FAM228B: variants seen among roughly 807,000 people sequenced by gnomAD.
The protein encoded by FAM228B is protein FAM228B.
In FAM228B, 38 loss-of-function variants were observed where a neutral mutation model predicts 42.6. The ratio of observed to expected loss-of-function variants is 0.89; its 90% CI spans 0.69 to 1.17. The LOEUF is 1.17. Among genes scored for constraint, FAM228B ranks in the 50% most tolerant of loss-of-function variants. The pLI, the probability that FAM228B is intolerant of heterozygous loss-of-function variation, is 0.00. For synonymous variants in FAM228B, 109 were observed against 122.3 expected (o/e 0.89, Z 0.72); for missense variants, 344 against 367.3 (o/e 0.94, Z 0.52).
chr2:24,155,525 A>ATTTTTTTT (rs1199134206), intron 7 of FAM228B, among the ~76,000 whole-genome samples: 1 of 48,312 alleles, frequency 2.1e-5, no homozygotes, highest in Non-Finnish European at 3.6e-5. Flanking sequence ...ATATATATAT[A>ATTTTTTTT]TATATATTTT....
chr2:24,085,169 A>G (rs1665203530), intron 2 of FAM228B: 1 of 151,914 alleles, frequency 6.6e-6, no homozygotes, highest in African/African-American at 2.4e-5. Flanking sequence ...CATCTTGAGC[A>G]TGGGTGGGCA....
chr2:24,078,810 C>T (rs892760629), intron 1 of FAM228B: 1 of 152,486 alleles, frequency 6.6e-6, no homozygotes, highest in Non-Finnish European at 1.5e-5. Flanking sequence ...GTGCAAAACC[C>T]TATGGTGGAA....
intron 2 of FAM228B, among the ~76,000 whole-genome samples, chr2:24,127,562 G>A (rs1291234385): frequency 3.3e-5 from 5 of 152,136 alleles, no homozygotes; most frequent in Non-Finnish European, 7.3e-5. Flanking sequence ...AATTTTCATA[G>A]CAATGTATGA....
chr2:24,081,099 T>A, intron 2 of FAM228B: 1 of 1,344,646 alleles, frequency 7.4e-7, no homozygotes, highest in Non-Finnish European at 9.9e-7. Flanking sequence ...AGGCATATTC[T>A]ATCAAGATCA....
At chr2:24,168,290 G>A (rs1479172670) in intron 10 of FAM228B, among the ~76,000 whole-genome samples, 1 of 152,224 alleles carries the variant, frequency 6.6e-6, no homozygotes, top group Non-Finnish European at 1.5e-5. Context: ...TAGTCCTGCG[G>A]AACGCCAAGA....
At chr2:24,147,371 T>A (rs1362909032) in intron 7 of FAM228B, among the ~76,000 whole-genome samples, 4 of 152,110 alleles carry the variant, frequency 2.6e-5, no homozygotes, top group Non-Finnish European at 5.9e-5. Context: ...TTTTTTTCTG[T>A]CTATCTTAAT....
chr2:24,127,786 C>T (rs1666353397), intron 2 of FAM228B, among the ~76,000 whole-genome samples: 2 of 152,016 alleles, frequency 1.3e-5, no homozygotes, highest in African/African-American at 2.4e-5. Flanking sequence ...CCTAAGCCTC[C>T]CGAGTAGCTG....
intron 7 of FAM228B, among the ~76,000 whole-genome samples, chr2:24,155,524 TATATATA>T (rs140631842): frequency 7.9e-5 from 2 of 25,314 alleles, no homozygotes; most frequent in East Asian, 1.9e-3. Context: ...TATATATATA[TATATATA>T]TTTTTTTTTT....
At chr2:24,143,853 A>G (rs1370937359) in intron 5 of FAM228B, among the ~76,000 whole-genome samples, 1 of 152,238 alleles carries the variant, frequency 6.6e-6, no homozygotes, top group African/African-American at 2.4e-5. Flanking sequence ...ATGTTTTGAA[A>G]TAAAATAGTT....
Position 24,077,545 on chromosome 2 carries a change from G to C in FAM228B, c.-290+576G>C, listed in dbSNP as rs1339436790. ...CTCCAGGTTTGCTCTGGAAAGGCCTGGGGTGGCCGCGTCCTGTCCTGCCCC... is the reference window on the plus strand; with the variant it reads ...CTCCAGGTTTGCTCTGGAAAGGCCTCGGGTGGCCGCGTCCTGTCCTGCCCC... On this transcript the variant is annotated intron_variant, in intron 1 of 10. Coordinates refer to the FAM228B transcript ENST00000613899. This position sits in a 1 kb window ranked among gnomAD's most constrained non-coding sequence, Gnocchi z 5.5. 6.3e-7 allele frequency: 1 copy of C among 1,591,878 alleles called. No individual in the cohort carries two copies. Among genetic ancestry groups the C allele is most frequent in the Non-Finnish European group, 8.5e-7 (1 of 1,170,116 alleles).
At chr2:24,156,782 C>T (rs376004437) in intron 7 of FAM228B, among the ~76,000 whole-genome samples, 2 of 121,218 alleles carry the variant, frequency 1.6e-5, no homozygotes, top group South Asian at 3.1e-4. Flanking sequence ...CCGCCCCCCC[C>T]CCCCCAGCTT....
intron 2 of FAM228B, chr2:24,085,023 TC>T (rs1665198064): frequency 6.6e-6 from 1 of 152,230 alleles, no homozygotes; most frequent in African/African-American, 2.4e-5. Flanking sequence ...AAAGTGCGAT[TC>T]TAGCTCTCAC....
intron 9 of FAM228B, among the ~76,000 whole-genome samples, chr2:24,164,628 C>T (rs1041925564): frequency 2.6e-5 from 4 of 151,544 alleles, no homozygotes; most frequent in South Asian, 2.1e-4. Context: ...GGGTGGGCCA[C>T]GCTGTCCAGG....
chr2:24,146,644 C>T (rs2151023466), intron 5 of FAM228B, 104 bp from the exon 6 acceptor site: 11 of 643,134 alleles, frequency 1.7e-5, no homozygotes, highest in South Asian at 9.7e-5. Flanking sequence ...TATTATTTAC[C>T]CTCCCGGCAT....
intron 2 of FAM228B, 107 bp from the exon 3 acceptor site, chr2:24,135,012 A>G (rs907572907): frequency 4.2e-6 from 3 of 708,536 alleles, no homozygotes; most frequent in South Asian, 1.8e-5. Context: ...AACTGCATGC[A>G]TAGAGAACTT....
chr2:24,153,959 G>T (rs865798357), intron 7 of FAM228B, among the ~76,000 whole-genome samples: 5 of 152,202 alleles, frequency 3.3e-5, no homozygotes, highest in Admixed American at 1.3e-4. Context: ...GCCCAGCATG[G>T]CTTTATTCTC....
intron 5 of FAM228B, among the ~76,000 whole-genome samples, chr2:24,142,224 AATTTCCCCAGTACAG>A (rs1193473617): frequency 1.1e-4 from 16 of 151,922 alleles, no homozygotes; most frequent in Non-Finnish European, 2.4e-4. Context: ...TCCCCCTTTC[AATTTCCCCAGTACAG>A]AAAAGGTTCA....
At chr2:24,119,751 C>G (rs868255807), upstream of FAM228B, 4 of 1,150,806 alleles carry the variant, frequency 3.5e-6, no homozygotes, top group African/African-American at 4.5e-5. Context: ...CATGCTCCAG[C>G]TACGTTTTTC....
rs1024994229 is a variant in FAM228B, at chr2:24,087,196, A to G, written c.-210+6241A>G. The G allele has an allele frequency of 4.6e-5, 7 of 152,168 alleles. 1 individual carries two copies. Among genetic ancestry groups the G allele is most frequent in the South Asian group, 4.1e-4 (2 of 4,830 alleles). 9.4% of individuals were successfully genotyped at this position (152,168 alleles called of 1,614,324 possible). On this transcript the variant is annotated intron_variant, in intron 2 of 10. Transcript: ENST00000613899. ...TTTTTGGTCTTTGTCCTGGGTTCCT[A>G]CAATAGCACTCCTAAAACCTTTGTT...
Sources: gnomAD v4.1 joint callset for allele counts (sites outside exome capture counted in the v4.1 genomes callset) on GRCh38, gnomAD v4.1.1 for gene constraint, Gnocchi (gnomAD v3.1) non-coding constraint, MANE v1.5 for transcripts, NCBI Gene and HGNC (gene_info 2026-07-23, HGNC 2026-07-21) for gene names.